FILIP1: variants seen among roughly 807,000 people sequenced by gnomAD.
The protein encoded by FILIP1 is filamin-A-interacting protein 1.
In FILIP1, 61 loss-of-function variants were observed where a neutral mutation model predicts 102.1. The ratio of observed to expected loss-of-function variants is 0.60; its 90% CI spans 0.49 to 0.74. The LOEUF (loss-of-function observed/expected upper bound fraction) is 0.74. FILIP1 is among the 30% of genes least tolerant of loss of function. The probability of loss-of-function intolerance (pLI) is 0.00; values close to 1 mark genes in which losing one functional copy is unlikely to be tolerated. For synonymous variants in FILIP1, 491 were observed against 526.9 expected, an observed-to-expected ratio of 0.93 and a Z score of 0.93; for missense variants, 1,314 against 1,441.2, an observed-to-expected ratio of 0.91 and a Z score of 1.43.
chr6:75,425,987 T>C (rs1190201474), intron 1 of FILIP1, among the ~76,000 whole-genome samples: 2 of 152,124 alleles, frequency 1.3e-5, no homozygotes, highest in Non-Finnish European at 2.9e-5. Context: ...AGGCAGACAT[T>C]AAATATTTTA....
At chr6:75,440,111 T>A (rs1778158875) in intron 1 of FILIP1, among the ~76,000 whole-genome samples, 1 of 152,156 alleles carries the variant, frequency 6.6e-6, no homozygotes, top group Admixed American at 6.5e-5. Flanking sequence ...ATAAATAAGA[T>A]AGGAAAATAA....
intron 1 of FILIP1, among the ~76,000 whole-genome samples, chr6:75,435,684 T>C (rs972142538): frequency 5.9e-5 from 9 of 152,228 alleles, no homozygotes; most frequent in Admixed American, 4.6e-4. Flanking sequence ...AATGCTGTCC[T>C]GACAGCTACC....
intron 4 of FILIP1, among the ~76,000 whole-genome samples, chr6:75,331,974 A>C (rs1362603339): frequency 6.6e-6 from 1 of 152,208 alleles, no homozygotes; most frequent in Non-Finnish European, 1.5e-5. Context: ...GCTCTCACAC[A>C]TGAGGATATA....
intron 2 of FILIP1, among the ~76,000 whole-genome samples, chr6:75,380,106 G>A (rs1775862357): frequency 6.6e-6 from 1 of 151,886 alleles, no homozygotes; most frequent in Non-Finnish European, 1.5e-5. Context: ...ATATACATGG[G>A]TAGTTATCTG....
chr6:75,333,542 T>C (rs1774146076), intron 4 of FILIP1, among the ~76,000 whole-genome samples: 1 of 152,300 alleles, frequency 6.6e-6, no homozygotes, highest in Non-Finnish European at 1.5e-5. Flanking sequence ...ATTTTCATCA[T>C]AGTTGAACTC....
At chr6:75,421,069 T>C (rs530247016) in intron 1 of FILIP1, among the ~76,000 whole-genome samples, 1 of 152,318 alleles carries the variant, frequency 6.6e-6, no homozygotes, top group South Asian at 2.1e-4. Flanking sequence ...GAGAGATTTC[T>C]AACACTAAAA....
At chr6:75,408,993 G>A (rs889433907) in intron 2 of FILIP1, among the ~76,000 whole-genome samples, 7 of 152,090 alleles carry the variant, frequency 4.6e-5, no homozygotes, top group Non-Finnish European at 1.0e-4. Flanking sequence ...CAAACATTGA[G>A]GCTCAGATCC....
rs1365856308 is a variant in FILIP1 at position 75,314,209 on chromosome 6, C to T, written c.1623G>A (p.Met541Ile). Residue 541 changes from methionine (M) to isoleucine (I), a missense_variant, in exon 5 of 6, where the codon ATG (methionine) becomes ATA (isoleucine). Transcript: ENST00000237172. Reference protein sequence around the residue: ...KNFKVEQGKVMDVTEKLIEES... With the variant: ...KNFKVEQGKVIDVTEKLIEES... ...CTTCAATTAGTTTTTCAGTTACATC[C>T]ATAACTTTTCCTTGTTCCACCTTAA... The T allele has an allele frequency of 6.4e-7, 1 of 1,561,202 alleles. No homozygotes were observed.
chr6:75,441,521 C>T (rs1230974961), intron 1 of FILIP1, among the ~76,000 whole-genome samples: 1 of 152,036 alleles, frequency 6.6e-6, no homozygotes, highest in Non-Finnish European at 1.5e-5. Flanking sequence ...GGGTGGTGGC[C>T]GGGTAGAGGG....
intron 2 of FILIP1, among the ~76,000 whole-genome samples, chr6:75,371,611 T>C (rs1012471210): frequency 7.9e-5 from 12 of 152,168 alleles, no homozygotes; most frequent in African/African-American, 2.7e-4. Context: ...TGTGGTACTG[T>C]CATAAAGACA....
chr6:75,450,085 G>A (rs567848936), intron 1 of FILIP1, among the ~76,000 whole-genome samples: 4 of 152,048 alleles, frequency 2.6e-5, no homozygotes, highest in Admixed American at 2.6e-4. Context: ...AACTACAGGC[G>A]CACACCACTG....
chr6:75,349,002 CA>C (rs1774691974), intron 4 of FILIP1, among the ~76,000 whole-genome samples: 1 of 152,218 alleles, frequency 6.6e-6, no homozygotes, highest in Admixed American at 6.5e-5. Flanking sequence ...ACTATTTGCA[CA>C]AAGTATTCAC....
At chr6:75,432,740 G>C (rs944114036) in intron 1 of FILIP1, among the ~76,000 whole-genome samples, 3 of 151,922 alleles carry the variant, frequency 2.0e-5, no homozygotes, top group Non-Finnish European at 4.4e-5. Flanking sequence ...ATGCAGGTTT[G>C]TTACGTATGT....
intron 1 of FILIP1, among the ~76,000 whole-genome samples, chr6:75,471,562 T>A (rs1779331117): frequency 6.6e-6 from 1 of 152,188 alleles, no homozygotes; most frequent in Admixed American, 6.5e-5. Flanking sequence ...AAAATTCTAC[T>A]GTTAGTATCT....
intron 2 of FILIP1, among the ~76,000 whole-genome samples, chr6:75,384,064 A>G (rs1398525761): frequency 1.3e-5 from 2 of 152,018 alleles, no homozygotes; most frequent in African/African-American, 4.8e-5. Context: ...CTTGTATTTC[A>G]TTTTCAATAA....
intron 3 of FILIP1, among the ~76,000 whole-genome samples, chr6:75,354,051 T>C (rs1443741146): frequency 6.6e-6 from 1 of 152,200 alleles, no homozygotes; most frequent in African/African-American, 2.4e-5. Flanking sequence ...AGCTTGGGTC[T>C]ATTACAAATA....
intron 4 of FILIP1, among the ~76,000 whole-genome samples, chr6:75,326,904 AT>A (rs1456130956): frequency 6.6e-6 from 1 of 152,234 alleles, no homozygotes; most frequent in Non-Finnish European, 1.5e-5. Flanking sequence ...GTCACCCAGA[AT>A]AACAGCTTAT....
At chr6:75,436,616 G>A (rs993732489) in intron 1 of FILIP1, among the ~76,000 whole-genome samples, 3 of 152,122 alleles carry the variant, frequency 2.0e-5, no homozygotes, top group African/African-American at 2.4e-5. Flanking sequence ...GAGATTATGG[G>A]ACAGATAAAG....
At chr6:75,441,233 C>T (rs1280627593) in intron 1 of FILIP1, among the ~76,000 whole-genome samples, 1 of 151,774 alleles carries the variant, frequency 6.6e-6, no homozygotes, top group Non-Finnish European at 1.5e-5. Context: ...GCACATCTTG[C>T]ACCGCCCTTA....
Sources: gnomAD v4.1 joint callset for allele counts (sites outside exome capture counted in the v4.1 genomes callset) on GRCh38, gnomAD v4.1.1 for gene constraint, MANE v1.5 for transcripts, NCBI Gene and HGNC (gene_info 2026-07-23, HGNC 2026-07-21) for gene names.